Variants in ELP1 observed in about 807,000 individuals in gnomAD.
ELP1 encodes elongator complex protein 1.
In ELP1, 131 loss-of-function variants were observed where a neutral mutation model predicts 183.2. That is an observed-to-expected ratio of 0.72 (90% confidence interval 0.62 to 0.83). The LOEUF is 0.83. Among genes scored for constraint, ELP1 ranks in the 40% least tolerant of loss-of-function variants. The pLI is 0.00. For synonymous variants in ELP1, 555 were observed against 569.0 expected, an observed-to-expected ratio of 0.98 and a Z score of 0.35; for missense variants, 1,550 against 1,594.9, an observed-to-expected ratio of 0.97 and a Z score of 0.48.
At chr9:108,929,549 C>T (rs895590032) in intron 3 of ELP1, among the ~76,000 whole-genome samples, 2 of 152,170 alleles carry the variant, frequency 1.3e-5, no homozygotes, top group Non-Finnish European at 2.9e-5. Flanking sequence ...ATTCTGATCA[C>T]TCTGATTAAT....
At position 108,911,146 on chromosome 9, in the gene ELP1, C is replaced by G. The variant is rs151157900; in HGVS notation, c.1224G>C (p.Val408=). 1.2e-6 allele frequency: 2 copies of G among 1,614,118 alleles called. No individual in the cohort carries two copies. Among genetic ancestry groups the G allele is most frequent in the Admixed American group, 3.3e-5 (2 of 60,012 alleles). The part of the protein sequence containing the change: ...RVLVTVFRQT[V]VPPPMCTYQL... ...GGTAGGTGCACATGGGAGGCGGAAC[C>G]ACAGTCTGCCGGAAGACTGTCACCA... The change falls in exon 12 of 37, where the codon GTG becomes GTC. Residue 408 remains valine, a synonymous_variant. Coordinates refer to ENST00000374647, the MANE Select transcript of ELP1 (RefSeq NM_003640.5).
chr9:108,918,800 C>T lies in ELP1; in HGVS notation c.740+11G>A. 4 of 1,603,010 alleles carry T rather than the reference C, an allele frequency of 2.5e-6. No individual in the cohort carries two copies. Among genetic ancestry groups the T allele is most frequent in the Non-Finnish European group, 3.4e-6 (4 of 1,169,874 alleles). On this transcript the variant is annotated intron_variant, in intron 8 of 36. Coordinates refer to ENST00000374647, the MANE Select transcript of ELP1 (RefSeq NM_003640.5). ...TCCAAGAATTTCTCTAAGGTTTCTTCTCCCACTCACTTCCAAGCCAGGGCT... is the reference window on the plus strand; with the variant it reads ...TCCAAGAATTTCTCTAAGGTTTCTTTTCCCACTCACTTCCAAGCCAGGGCT...
chr9:108,921,585 CAAA>C (rs11369159), intron 6 of ELP1, among the ~76,000 whole-genome samples: 1 of 137,714 alleles, frequency 7.3e-6, no homozygotes, highest in Non-Finnish European at 1.6e-5. Context: ...TAAGTCCTGC[CAAA>C]AAAAAAAAAA....
intron 36 of ELP1, among the ~76,000 whole-genome samples, chr9:108,873,882 G>GA (rs987955304): frequency 6.7e-6 from 1 of 149,444 alleles, no homozygotes; most frequent in Non-Finnish European, 1.5e-5. Flanking sequence ...AAAAACTTAA[G>GA]AAAAAAAAAG....
chr9:108,880,213 G>C (rs746597014), intron 31 of ELP1, 48 bp from the exon 32 acceptor site: 1 of 1,264,436 alleles, frequency 7.9e-7, no homozygotes, highest in Non-Finnish European at 1.2e-6. Context: ...TTTAAGCAAA[G>C]AGAAAAAACT....
At chr9:108,926,677 G>A (rs936766701) in intron 4 of ELP1, 74 bp from the exon 5 acceptor site, 1 of 1,023,204 alleles carries the variant, frequency 9.8e-7, no homozygotes, top group Admixed American at 1.9e-5. Context: ...CTATGGCACT[G>A]TAAGCTAAGG....
At chr9:108,926,225 AC>A (rs1270016529) in intron 5 of ELP1, among the ~76,000 whole-genome samples, 1 of 152,106 alleles carries the variant, frequency 6.6e-6, no homozygotes, top group Non-Finnish European at 1.5e-5. Flanking sequence ...TCTCCCTAAA[AC>A]TGTATCCCAG....
intron 1 of ELP1, among the ~76,000 whole-genome samples, chr9:108,932,379 T>C (rs867861736): frequency 6.6e-6 from 1 of 152,204 alleles, no homozygotes. Context: ...TTCGCTCTTA[T>C]TGCCCAGGCT....
Position 108,908,300 on chromosome 9 carries a change from C to A in ELP1, c.1460+5G>T. 6.2e-7 allele frequency: 1 copy of A among 1,604,782 alleles called. No homozygotes were observed. Among genetic ancestry groups the A allele is most frequent in the Non-Finnish European group, 8.5e-7 (1 of 1,171,524 alleles). On this transcript the variant is annotated splice_donor_5th_base_variant and intron_variant, in intron 13 of 36. Coordinates refer to ENST00000374647, the MANE Select transcript of ELP1 (RefSeq NM_003640.5). The stretch of plus-strand genomic sequence containing the variant: ...CCCAGAAGCCCAAGATAATTAAGAA[C>A]CTACTTGTATCTCTTTTCCAAATGA...
intron 10 of ELP1, among the ~76,000 whole-genome samples, chr9:108,915,646 ACT>A (rs1406916484): frequency 6.7e-6 from 1 of 149,956 alleles, no homozygotes; most frequent in African/African-American, 2.5e-5. Context: ...ACACTCTATT[ACT>A]CTCTCTCCCT....
At chr9:108,883,065 T>G (rs1485781662) in intron 29 of ELP1, among the ~76,000 whole-genome samples, 2 of 152,232 alleles carry the variant, frequency 1.3e-5, no homozygotes, top group Non-Finnish European at 2.9e-5. Flanking sequence ...TAAATCCAAT[T>G]TATCAATTTA....
In ELP1 at chr9:108,919,366, A is replaced by T. The variant is rs779203870; in HGVS notation, c.553-17T>A. 6.5e-7 allele frequency: 1 copy of T among 1,536,116 alleles called. No individual in the cohort carries two copies. The highest frequency in any genetic ancestry group is 9.0e-7 in the Non-Finnish European group (1 of 1,109,026). On this transcript the variant is annotated splice_polypyrimidine_tract_variant and intron_variant, in intron 6 of 36. Transcript: ENST00000374647. ...AGACTCATGCTAAAAAGGGGAACAA[A>T]CACCAATATTACTGGGGGACCTTAA...
rs1445493033 is a variant in ELP1, at chr9:108,897,241, C to T, written c.2408G>A (p.Ser803Asn). 2 of 1,614,124 alleles carry T rather than the reference C, an allele frequency of 1.2e-6. No homozygotes were observed. Among genetic ancestry groups the T allele is most frequent in the South Asian group, 1.1e-5 (1 of 91,076 alleles). The stretch of plus-strand genomic sequence containing the variant: ...AGGATCCCTGGACAGGTAGACACTG[C>T]TGGTAACTGGTGCAGGGTACATGGT... ...TKTMYPAPVT[S>N]SVYLSRDPDG... The change falls in exon 23 of 37, where the codon AGC (serine) becomes AAC (asparagine). Residue 803 changes from serine to asparagine, a missense_variant. Coordinates refer to ENST00000374647, the MANE Select transcript of ELP1 (RefSeq NM_003640.5).
Position 108,869,043 on chromosome 9 carries a change from G to T in ELP1, c.*72C>A, listed in dbSNP as rs545227546. 18 of 1,332,588 alleles carry T rather than the reference G, an allele frequency of 1.4e-5. No homozygotes were observed. Among genetic ancestry groups the T allele is most frequent in the Admixed American group, 1.2e-4 (7 of 59,682 alleles). The allele number at this position is 1,332,588 out of a possible 1,614,324, so 82.5% of individuals were successfully genotyped here. A position where few individuals can be genotyped will look rare whatever the true frequency, so the allele number is the denominator to read the frequency against. On this transcript the variant is annotated 3_prime_UTR_variant, in exon 37 of 37. Transcript: ENST00000374647. ...GTTCTCAATAGCCAGCCCTCAAAGA[G>T]CAAGGGGTGGTAGGACAACAGGAAT...
chr9:108,893,994 C>G lies in ELP1; in HGVS notation c.2809G>C (p.Asp937His), dbSNP rs770634206. The G allele has an allele frequency of 1.2e-6, 2 of 1,609,512 alleles. No homozygotes were observed. Among genetic ancestry groups the G allele is most frequent in the Admixed American group, 1.7e-5 (1 of 59,988 alleles). Residue 937 changes from aspartate to histidine, a missense_variant, in exon 26 of 37, where the codon GAC becomes CAC. Physicochemically the swap from Asp to His is moderately conservative, Grantham distance 81. Transcript: ENST00000374647. The stretch of plus-strand genomic sequence containing the variant: ...TTTTCATATCGTTTCAAGTATTTGT[C>G]TATAGTAAACCGCTGATAATTAGTT... Reference protein sequence around the residue: ...METNYQRFTIDKYLKRYEKAI... With the variant: ...METNYQRFTIHKYLKRYEKAI...
rs773795684 is a variant in ELP1, at chr9:108,917,629, T to C, written c.782A>G (p.Asn261Ser). The C allele has an allele frequency of 5.0e-6, 8 of 1,613,950 alleles. No homozygotes were observed. Among genetic ancestry groups the C allele is most frequent in the South Asian group, 4.4e-5 (4 of 91,086 alleles). Residue 261 changes from asparagine to serine, a missense_variant, in exon 9 of 37, where the codon AAC becomes AGC. By Grantham distance (46) the Asn-to-Ser change is conservative. Transcript: ENST00000374647. ...CTCAAAAAACACAATATCCTGCTGG[T>C]TGGGTTTATCTTGTGTAGATGCAAT... ...SLIASTQDKP[N>S]QQDIVFFEKN...
rs1242699541 is a variant in ELP1 at position 108,926,516 on chromosome 9, T to C, written c.466+7A>G. 5 of 1,607,998 alleles carry C rather than the reference T, an allele frequency of 3.1e-6. No homozygotes were observed. Among genetic ancestry groups the C allele is most frequent in the South Asian group, 2.2e-5 (2 of 90,936 alleles). On this transcript the variant is annotated splice_region_variant and intron_variant, in intron 5 of 36. Transcript: ENST00000374647. ...GGTCACAAAATATTGCACAAAGCTA[T>C]ACTTACTTTCACCAAAATCATCCTG...
chr9:108,922,331 G>A (rs1473508237), intron 6 of ELP1, among the ~76,000 whole-genome samples: 6 of 152,116 alleles, frequency 3.9e-5, no homozygotes, highest in South Asian at 2.1e-4. Flanking sequence ...GGGCCGCCCC[G>A]CCTACATTAG....
intron 12 of ELP1, 120 bp downstream of exon 12, chr9:108,910,889 CT>C: frequency 1.3e-6 from 1 of 766,994 alleles, no homozygotes; most frequent in Non-Finnish European, 2.3e-6. Context: ...ATGATATCAA[CT>C]GCAGACTTAA....
Sources: gnomAD v4.1 joint callset for allele counts (sites outside exome capture counted in the v4.1 genomes callset) on GRCh38, gnomAD v4.1.1 for gene constraint, MANE v1.5 for transcripts, NCBI Gene and HGNC (gene_info 2026-07-23, HGNC 2026-07-21) for gene names.